DLC1: variants seen among roughly 807,000 people sequenced by gnomAD.
The protein encoded by DLC1 is DLC1 Rho GTPase activating protein, also known as rho GTPase-activating protein 7.
In DLC1, 54 loss-of-function variants were observed where a neutral mutation model predicts 140.3. That is an observed-to-expected ratio of 0.38 (90% CI 0.31 to 0.48). The LOEUF is 0.48. Among genes scored for constraint, DLC1 ranks in the 20% least tolerant of loss-of-function variants. DLC1 has a pLI of 0.96. For synonymous variants in DLC1, 986 were observed against 728.1 expected, an observed-to-expected ratio of 1.35 and a Z score of -5.70; for missense variants, 2,536 against 1,907.0, an observed-to-expected ratio of 1.33 and a Z score of -6.14.
chr8:13,555,389 T>A (rs1022522354), intron 1 of DLC1, among the ~76,000 whole-genome samples: 2 of 152,196 alleles, frequency 1.3e-5, no homozygotes, highest in Non-Finnish European at 2.9e-5. Context: ...AAGATAGCCA[T>A]AGCAACTTCA....
At chr8:13,602,751 A>AT (rs1563469494) in intron 1 of DLC1, among the ~76,000 whole-genome samples, 2 of 151,842 alleles carry the variant, frequency 1.3e-5, no homozygotes. Flanking sequence ...AAACAACATA[A>AT]TTTTTTTCAA....
intron 2 of DLC1, among the ~76,000 whole-genome samples, chr8:13,475,542 CTATT>C (rs1800397922): frequency 6.6e-6 from 1 of 152,172 alleles, no homozygotes; most frequent in Non-Finnish European, 1.5e-5. Context: ...ATAAAATAAC[CTATT>C]CTGAATAGCG....
chr8:13,263,985 C>G (rs1010407158), intron 5 of DLC1, among the ~76,000 whole-genome samples: 5 of 151,658 alleles, frequency 3.3e-5, no homozygotes, highest in Non-Finnish European at 7.4e-5. Flanking sequence ...ACATAGATGC[C>G]TTTCAACAGG....
chr8:13,554,059 T>C (rs1227636219), intron 1 of DLC1, among the ~76,000 whole-genome samples: 2 of 152,036 alleles, frequency 1.3e-5, no homozygotes, highest in Non-Finnish European at 2.9e-5. Flanking sequence ...TGCTCATCAC[T>C]TTTTGTTTGC....
intron 5 of DLC1, among the ~76,000 whole-genome samples, chr8:13,155,059 AC>A (rs112908008): frequency 6.6e-5 from 10 of 151,988 alleles, no homozygotes; most frequent in African/African-American, 2.4e-4. Context: ...TCATTCTGTA[AC>A]GTATATACTT....
intron 5 of DLC1, among the ~76,000 whole-genome samples, chr8:13,286,249 C>T (rs12542364): frequency 2.4e-4 from 37 of 152,204 alleles, no homozygotes; most frequent in African/African-American, 8.9e-4. Flanking sequence ...AGATGTATGA[C>T]TTCACAGGGA....
At chr8:13,504,336 G>T (rs1188138335) in intron 1 of DLC1, among the ~76,000 whole-genome samples, 1 of 152,114 alleles carries the variant, frequency 6.6e-6, no homozygotes, top group African/African-American at 2.4e-5. Flanking sequence ...TGTTGGTGAG[G>T]CTGATCTCAA....
In DLC1 at chr8:13,203,827, A is replaced by G. The variant is rs191408571; in HGVS notation, c.1349-88170T>C. The stretch of plus-strand genomic sequence containing the variant: ...CAGAACAGAATGGATGGAAAATACC[A>G]TGATAGGAAAAGAGCTCTCTAGTTT... On this transcript the variant is annotated intron_variant, in intron 5 of 17. Transcript: ENST00000276297. Among the ~76,000 whole-genome samples the G allele has an allele frequency of 3.3e-3, 507 of 152,316 alleles. 1 individual carries two copies. The highest frequency in any genetic ancestry group is 5.6e-3 in the Non-Finnish European group (378 of 68,018).
At chr8:13,381,355 C>A (rs1239803230) in intron 4 of DLC1, among the ~76,000 whole-genome samples, 3 of 152,090 alleles carry the variant, frequency 2.0e-5, no homozygotes, top group Non-Finnish European at 4.4e-5. Context: ...GTGCAAAGGC[C>A]ACGTTAAGGA....
chr8:13,268,089 A>G (rs1461719101), intron 5 of DLC1, among the ~76,000 whole-genome samples: 1 of 152,328 alleles, frequency 6.6e-6, no homozygotes. Context: ...TATTTAAAGT[A>G]TAACTTCCAA....
At chr8:13,211,125 G>T (rs546397108) in intron 5 of DLC1, among the ~76,000 whole-genome samples, 1 of 152,276 alleles carries the variant, frequency 6.6e-6, no homozygotes, top group African/African-American at 2.4e-5. Flanking sequence ...ATGCCCAACA[G>T]TGCCACGACA....
intron 4 of DLC1, among the ~76,000 whole-genome samples, chr8:13,364,817 G>A (rs2117090988): frequency 6.6e-6 from 1 of 152,270 alleles, no homozygotes; most frequent in South Asian, 2.1e-4. Context: ...TTTAAGGAAA[G>A]TCGTCTCATA....
intron 2 of DLC1, among the ~76,000 whole-genome samples, chr8:13,494,280 T>A (rs1801399228): frequency 6.6e-6 from 1 of 152,140 alleles, no homozygotes; most frequent in Non-Finnish European, 1.5e-5. Flanking sequence ...AAATTGTCCC[T>A]TACGTCTTTG....
intron 1 of DLC1, among the ~76,000 whole-genome samples, chr8:13,603,941 A>G (rs1805967127): frequency 6.6e-6 from 1 of 152,100 alleles, no homozygotes; most frequent in African/African-American, 2.4e-5. Context: ...TTGGTACATT[A>G]GCTAATTGTC....
intron 17 of DLC1, 63 bp from the exon 18 acceptor site, chr8:13,085,994 G>A: frequency 6.3e-7 from 1 of 1,591,894 alleles, no homozygotes; most frequent in Non-Finnish European, 8.5e-7. Context: ...GAAATAAAAT[G>A]AGAAACATCT....
At chr8:13,112,374 G>C (rs1162501511) in intron 6 of DLC1, among the ~76,000 whole-genome samples, 2 of 152,122 alleles carry the variant, frequency 1.3e-5, no homozygotes, top group African/African-American at 4.8e-5. Flanking sequence ...ATTTTCTAGA[G>C]ATAATATATC....
At position 13,098,427 on chromosome 8, in the gene DLC1, T is replaced by G; in HGVS notation, c.3139A>C (p.Thr1047Pro). The G allele has an allele frequency of 8.1e-6, 13 of 1,614,142 alleles. No individual in the cohort carries two copies. The highest frequency in any genetic ancestry group is 1.1e-5 in the Non-Finnish European group (13 of 1,180,030). Residue 1047 changes from threonine to proline, a missense_variant, in exon 10 of 18, where the codon ACA (threonine) becomes CCA (proline). Transcript: ENST00000276297. ...LKLTALLEKY[T>P]PSNKHGFSWA... ...CTAAAACCATGCTTGTTAGAAGGTG[T>G]GTATTTCTCCAGCAGGGCCGTTAGC...
chr8:13,169,860 A>G (rs2116919991), intron 5 of DLC1, among the ~76,000 whole-genome samples: 1 of 151,372 alleles, frequency 6.6e-6, no homozygotes, highest in East Asian at 1.9e-4. Context: ...CCTCATCTAA[A>G]AAAAAAAAAG....
intron 1 of DLC1, among the ~76,000 whole-genome samples, chr8:13,554,115 G>T (rs1463407116): frequency 6.6e-6 from 1 of 151,976 alleles, no homozygotes; most frequent in Non-Finnish European, 1.5e-5. Flanking sequence ...GGCCCAGGTT[G>T]GAGTGCAATG....
Sources: allele counts gnomAD v4.1 joint callset (sites outside exome capture counted in the v4.1 genomes callset), GRCh38; gene constraint gnomAD v4.1.1; transcripts MANE v1.5; gene names NCBI Gene and HGNC (gene_info 2026-07-23, HGNC 2026-07-21).